The following SGK3 variants were observed in gnomAD, a reference collection of about 807,000 sequenced individuals.
SGK3 encodes serum/glucocorticoid regulated kinase family member 3.
Under a neutral mutation model 68.5 loss-of-function variants are expected in SGK3, and 47 were observed. That is an observed-to-expected ratio of 0.69 (90% CI 0.54 to 0.87). The LOEUF (loss-of-function observed/expected upper bound fraction) is 0.87. Ranked by LOEUF, SGK3 falls within the 40% of genes least tolerant of loss-of-function variation. The pLI is 0.00. For missense variants in SGK3, 479 were observed against 575.5 expected (o/e 0.83, Z 1.72); for synonymous variants, 181 against 189.1 (o/e 0.96, Z 0.35).
intron 1 of SGK3, among the ~76,000 whole-genome samples, chr8:66,770,951 G>A (rs551281867): frequency 4.6e-5 from 7 of 152,204 alleles, no homozygotes; most frequent in South Asian, 4.2e-4. Context: ...AGTAAGCTGC[G>A]GGTAAATTTT....
At chr8:66,750,905 G>A (rs1245319332) in intron 1 of SGK3, among the ~76,000 whole-genome samples, 1 of 151,096 alleles carries the variant, frequency 6.6e-6, no homozygotes, top group Admixed American at 6.6e-5. Context: ...TGCTTGGGAG[G>A]CTGAGGTGGG....
At chr8:66,747,328 A>G (rs1267780887) in intron 1 of SGK3, among the ~76,000 whole-genome samples, 3 of 152,150 alleles carry the variant, frequency 2.0e-5, no homozygotes, top group Non-Finnish European at 4.4e-5. Flanking sequence ...TGGTTTTTCC[A>G]TCTCAGAAAC....
At chr8:66,830,966 A>G (rs1809279122) in intron 7 of SGK3, among the ~76,000 whole-genome samples, 1 of 152,218 alleles carries the variant, frequency 6.6e-6, no homozygotes, top group Non-Finnish European at 1.5e-5. Context: ...CATATAGGAT[A>G]TGCATATATC....
At chr8:66,743,597 C>G (rs1234227980) in intron 1 of SGK3, among the ~76,000 whole-genome samples, 1 of 152,264 alleles carries the variant, frequency 6.6e-6, no homozygotes, top group African/African-American at 2.4e-5. Context: ...TCTCAGCTCA[C>G]TGCAACTTCT....
intron 1 of SGK3, among the ~76,000 whole-genome samples, chr8:66,766,101 A>G (rs529770593): frequency 6.6e-6 from 1 of 152,236 alleles, no homozygotes; most frequent in South Asian, 2.1e-4. Context: ...TAGTTAGAGA[A>G]CATACTTTGT....
chr8:66,825,352 A>G (rs1368623785), intron 6 of SGK3, among the ~76,000 whole-genome samples: 1 of 140,870 alleles, frequency 7.1e-6, no homozygotes, highest in Non-Finnish European at 1.5e-5. Flanking sequence ...TTTTTTTGAG[A>G]CAGTCTCGCT....
intron 2 of SGK3, among the ~76,000 whole-genome samples, chr8:66,796,940 TG>T (rs1181007914): frequency 1.3e-5 from 2 of 148,364 alleles, no homozygotes; most frequent in East Asian, 3.9e-4. Context: ...AATCTAATCT[TG>T]TTTTTTTTTT....
At chr8:66,750,374 G>T (rs1252016008) in intron 1 of SGK3, among the ~76,000 whole-genome samples, 2 of 151,804 alleles carry the variant, frequency 1.3e-5, no homozygotes, top group African/African-American at 4.8e-5. Flanking sequence ...CATTTATTTT[G>T]CCCCAGCCTG....
chr8:66,789,903 C>T (rs1439349059), intron 1 of SGK3, among the ~76,000 whole-genome samples: 1 of 152,000 alleles, frequency 6.6e-6, no homozygotes, highest in East Asian at 1.9e-4. Flanking sequence ...CATGACGAAA[C>T]CCCATCTCTA....
At chr8:66,753,244 A>C (rs1457652761) in intron 1 of SGK3, among the ~76,000 whole-genome samples, 1 of 152,202 alleles carries the variant, frequency 6.6e-6, no homozygotes, top group Non-Finnish European at 1.5e-5. Flanking sequence ...CCAAGGTTAC[A>C]CAGTTCCTAA....
At chr8:66,833,003 ATTTT>A (rs796444821) in intron 8 of SGK3, among the ~76,000 whole-genome samples, 2 of 143,932 alleles carry the variant, frequency 1.4e-5, no homozygotes, top group African/African-American at 5.1e-5. Flanking sequence ...TGTTTTTAGA[ATTTT>A]TTTTTTTTTG....
intron 1 of SGK3, among the ~76,000 whole-genome samples, chr8:66,745,304 G>T (rs1158904672): frequency 1.3e-5 from 2 of 152,152 alleles, no homozygotes; most frequent in African/African-American, 4.8e-5. Context: ...AGGCACAGTG[G>T]CTCACACCTG....
chr8:66,800,891 A>G (rs556449965), intron 3 of SGK3, among the ~76,000 whole-genome samples: 1 of 152,296 alleles, frequency 6.6e-6, no homozygotes, highest in Admixed American at 6.5e-5. Flanking sequence ...AGGCTGTGGT[A>G]GGAGGATCAC....
rs767201389 is a variant in SGK3 at position 66,859,536 on chromosome 8, C to T, written c.1446C>T (p.Phe482=). 1.2e-5 allele frequency: 19 copies of T among 1,612,974 alleles called. No homozygotes were observed. Among genetic ancestry groups the T allele is most frequent in the East Asian group, 6.7e-5 (3 of 44,846 alleles). The part of the protein sequence containing the change: ...NASVLEADDA[F]VGFSYAPPSE... ...GTGTATTGGAGGCAGATGATGCATT[C>T]GTTGGTTTCTCTTATGCACCTCCTT... Residue 482 remains phenylalanine (F), a synonymous_variant, in exon 17 of 17, where the codon TTC becomes TTT. Transcript: ENST00000521198.
intron 1 of SGK3, among the ~76,000 whole-genome samples, chr8:66,756,344 A>G (rs1805971257): frequency 1.3e-5 from 2 of 152,068 alleles, no homozygotes; most frequent in South Asian, 4.1e-4. Flanking sequence ...TACCAAACAA[A>G]AAATAGAGAT....
At chr8:66,743,104 T>G (rs565318170) in intron 1 of SGK3, among the ~76,000 whole-genome samples, 1 of 152,326 alleles carries the variant, frequency 6.6e-6, no homozygotes, top group South Asian at 2.1e-4. Flanking sequence ...TTCTTTTTAA[T>G]AGAAGAGACC....
rs1223764456 is a variant in SGK3, at chr8:66,744,495, ATATATATATATATATATATATATAT to A, written c.-122+31664_-122+31688del. Among the ~76,000 whole-genome samples the A allele has an allele frequency of 6.6e-4, 12 of 18,090 alleles. No individual in the cohort carries two copies. The South Asian group carries it at 9.7e-3, about 15-fold the overall frequency. The allele number at this position is 18,090 out of a possible 152,430, so 11.9% of individuals were successfully genotyped here. On this transcript the variant is annotated intron_variant, in intron 1 of 16. Coordinates refer to ENST00000521198, the MANE Select transcript of SGK3 (RefSeq NM_001033578.3). ...TATGTGTGTGTGTGTATATATATATATATATATATATATATATATATATATTTTTTTTTTTTTTTTTTTTTTTTTT... is the reference window on the plus strand; with the variant it reads ...TATGTGTGTGTGTGTATATATATATATTTTTTTTTTTTTTTTTTTTTTTTT...
chr8:66,730,791 C>T (rs888727657), intron 1 of SGK3, among the ~76,000 whole-genome samples: 3 of 152,108 alleles, frequency 2.0e-5, no homozygotes, highest in African/African-American at 4.8e-5. Flanking sequence ...AATTCTCCTG[C>T]CTCAGCCTCT....
intron 1 of SGK3, among the ~76,000 whole-genome samples, chr8:66,793,299 A>T (rs1029521281): frequency 2.0e-5 from 3 of 152,222 alleles, no homozygotes; most frequent in Non-Finnish European, 4.4e-5. Context: ...GTTCATCCTG[A>T]TACAAGAAGT....
Sources: allele counts gnomAD v4.1 joint callset (sites outside exome capture counted in the v4.1 genomes callset), GRCh38; gene constraint gnomAD v4.1.1; transcripts MANE v1.5; gene names NCBI Gene and HGNC (gene_info 2026-07-23, HGNC 2026-07-21).